Variants in TREML4 observed in about 807,000 individuals in gnomAD.
TREML4 encodes the protein trem-like transcript 4 protein.
TREML4 carries 25 observed loss-of-function variants against 25.4 expected under a neutral mutation model. That is an observed-to-expected ratio of 0.98 (90% CI 0.72 to 1.37). The LOEUF is 1.37. TREML4 is among the 40% of genes most tolerant of loss of function. The pLI, the probability that TREML4 is intolerant of heterozygous loss-of-function variation, is 0.00. For synonymous variants in TREML4, 92 were observed against 87.9 expected, an observed-to-expected ratio of 1.05 and a Z score of -0.26; for missense variants, 268 against 236.5, an observed-to-expected ratio of 1.13 and a Z score of -0.87.
chr6:41,228,964 G>C lies in TREML4; in HGVS notation c.314G>C (p.Gly105Ala). 5 of 1,614,140 alleles carry C rather than the reference G, an allele frequency of 3.1e-6. No individual in the cohort carries two copies. The highest frequency in any genetic ancestry group is 4.2e-6 in the Non-Finnish European group (5 of 1,179,992). ...ATTCAGCTGACACAGAATGACTCGG[G>C]ATTCTACTGGTGTGGAATCTACAAC... ...TMIQLTQNDS[G>A]FYWCGIYNAS... is the part of the protein sequence containing the mutation. The change falls in exon 2 of 6, where the codon GGA becomes GCA. Residue 105 changes from glycine (G) to alanine (A), a missense_variant. By Grantham distance (60) the Gly-to-Ala change is moderately conservative (BLOSUM62 0). Coordinates refer to ENST00000341495, the MANE Select transcript of TREML4 (RefSeq NM_198153.3).
In TREML4 at chr6:41,230,057, T is replaced by C. The variant is rs113491306; in HGVS notation, c.446-5T>C. 4 of 1,609,712 alleles carry C rather than the reference T, an allele frequency of 2.5e-6. No individual in the cohort carries two copies. Among genetic ancestry groups the C allele is most frequent in the Non-Finnish European group, 3.4e-6 (4 of 1,175,946 alleles). On this transcript the variant is annotated splice_polypyrimidine_tract_variant and splice_region_variant and intron_variant, in intron 3 of 5. Transcript: ENST00000341495. ...CAGCCACTGTCTTCTTTGTGTCCTC[T>C]TTAGTTCTGATCACTTCTCCAGAGG...
Position 41,228,822 on chromosome 6 carries a change from A to G in TREML4, c.172A>G (p.Thr58Ala). 7.4e-6 allele frequency: 12 copies of G among 1,614,140 alleles called. No homozygotes were observed. The highest frequency in any genetic ancestry group is 9.3e-6 in the Non-Finnish European group (11 of 1,180,012). ...PYQPKSWCQQTSPSRCTLLVT... is the reference protein window; with the variant it reads ...PYQPKSWCQQASPSRCTLLVT... Reference sequence around the variant, plus strand: ...TCAGCCCAAATCCTGGTGTCAGCAGACATCTCCAAGTCGGTGTACCTTACT... The same window carrying G: ...TCAGCCCAAATCCTGGTGTCAGCAGGCATCTCCAAGTCGGTGTACCTTACT... Residue 58 changes from threonine to alanine, a missense_variant, in exon 2 of 6, where the codon ACA (threonine) becomes GCA (alanine). By Grantham distance (58) the Thr-to-Ala change is moderately conservative. Transcript: ENST00000341495.
intron 5 of TREML4, 141 bp from the exon 6 acceptor site, chr6:41,236,914 G>T (rs1017459954): frequency 2.6e-5 from 5 of 189,488 alleles, no homozygotes; most frequent in Non-Finnish European, 5.5e-5. Flanking sequence ...AGACAGGAAG[G>T]GGCAGGGAAG....
At chr6:41,235,027 C>G (rs9394774) in intron 4 of TREML4, among the ~76,000 whole-genome samples, 1 of 151,858 alleles carries the variant, frequency 6.6e-6, no homozygotes, top group African/African-American at 2.4e-5. Flanking sequence ...TGATTATAAT[C>G]GAGGAGAGTC....
At chr6:41,234,292 G>A (rs764043535) in intron 4 of TREML4, among the ~76,000 whole-genome samples, 2 of 151,930 alleles carry the variant, frequency 1.3e-5, no homozygotes, top group African/African-American at 2.4e-5. Flanking sequence ...CAAAAAGTAT[G>A]AGGCATAAAA....
rs750186265 is a variant in TREML4 at position 41,228,857 on chromosome 6, C to T, written c.207C>T (p.Ser69=). 7.4e-6 allele frequency: 12 copies of T among 1,614,170 alleles called. No homozygotes were observed. The South Asian group carries it at 7.7e-5, about 10-fold the overall frequency. Residue 69 remains serine (S), a synonymous_variant, in exon 2 of 6, where the codon AGC becomes AGT. Transcript: ENST00000341495. ...SPSRCTLLVT[S]SKPWTAVQKS... is the part of the protein sequence containing the mutation. Reference sequence around the variant, plus strand: ...GTCGGTGTACCTTACTTGTCACCAGCTCCAAGCCCTGGACAGCAGTTCAGA... The same window carrying T: ...GTCGGTGTACCTTACTTGTCACCAGTTCCAAGCCCTGGACAGCAGTTCAGA...
At chr6:41,229,606 G>A in intron 3 of TREML4, 35 bp downstream of exon 3, 3 of 1,610,316 alleles carry the variant, frequency 1.9e-6, no homozygotes, top group Non-Finnish European at 2.5e-6. Context: ...AAGATTAGAA[G>A]GGTCACCAGG....
Position 41,238,687 on chromosome 6 carries a change from A to G in TREML4, c.*1668A>G, listed in dbSNP as rs1021402933. 30 of 152,112 alleles carry G rather than the reference A, an allele frequency of 2.0e-4. No homozygotes were observed. Among genetic ancestry groups the G allele is most frequent in the African/African-American group, 6.0e-4 (25 of 41,402 alleles). The allele number at this position is 152,112 out of a possible 1,614,324, so 9.4% of individuals were successfully genotyped here. On this transcript the variant is annotated 3_prime_UTR_variant, in exon 6 of 6. Transcript: ENST00000341495. ...TGTGTTGCCTGAACCAAGAATCTAG[A>G]CACTAGCGATTATGTGTTTTCTCTG...
In TREML4 at chr6:41,236,623, G is replaced by T. The variant is rs774496328; in HGVS notation, c.*35+6G>T. 9.8e-6 allele frequency: 15 copies of T among 1,530,898 alleles called. No individual in the cohort carries two copies. The highest frequency in any genetic ancestry group is 1.4e-5 in the African/African-American group (1 of 73,262). The allele number at this position is 1,530,898 out of a possible 1,614,324, so 94.8% of individuals were successfully genotyped here. On this transcript the variant is annotated splice_donor_region_variant and intron_variant, in intron 5 of 5. Coordinates refer to ENST00000341495, the MANE Select transcript of TREML4 (RefSeq NM_198153.3). ...CTGATCTGCAGGTGCCACAGGTGAG[G>T]GGGCCTGGATTTCACCTGGGGGCAA... is the stretch of plus-strand genomic sequence containing the variant.
At chr6:41,233,899 T>A (rs1365396710) in intron 4 of TREML4, among the ~76,000 whole-genome samples, 2 of 151,318 alleles carry the variant, frequency 1.3e-5, no homozygotes, top group Non-Finnish European at 3.0e-5. Flanking sequence ...CTAAACTATA[T>A]AAATATAGTT....
chr6:41,232,785 A>G (rs564802755), intron 4 of TREML4, among the ~76,000 whole-genome samples: 1 of 152,290 alleles, frequency 6.6e-6, no homozygotes, highest in Admixed American at 6.5e-5. Flanking sequence ...TGCTACTACG[A>G]GAATCTAAAG....
intron 4 of TREML4, among the ~76,000 whole-genome samples, chr6:41,235,672 C>A (rs1766882196): frequency 6.6e-6 from 1 of 152,084 alleles, no homozygotes; most frequent in South Asian, 2.1e-4. Flanking sequence ...TAAATAGAAA[C>A]AATCCATGAC....
Position 41,229,000 on chromosome 6 carries a change from A to ACATCAT in TREML4, c.353_358dup (p.Ile118_Ile119dup). ...TGTGGAATCTACAACGCTTCCGAAAACATCATCACTGTTCTTAGAAATATC... is the reference window on the plus strand; with the variant it reads ...TGTGGAATCTACAACGCTTCCGAAAACATCATCATCATCACTGTTCTTAGAAATATC... On this transcript the variant is annotated inframe_insertion, in exon 2 of 6. Transcript: ENST00000341495. The ACATCAT allele has an allele frequency of 2.5e-6, 4 of 1,614,086 alleles. No individual in the cohort carries two copies. The highest frequency in any genetic ancestry group is 2.5e-6 in the Non-Finnish European group (3 of 1,179,976).
At chr6:41,235,242 T>A (rs1473593070) in intron 4 of TREML4, among the ~76,000 whole-genome samples, 1 of 152,164 alleles carries the variant, frequency 6.6e-6, no homozygotes, top group African/African-American at 2.4e-5. Flanking sequence ...ATGATTACCA[T>A]AAAGATTACT....
intron 4 of TREML4, among the ~76,000 whole-genome samples, chr6:41,234,536 A>AACG (rs1355620089): frequency 2.0e-5 from 3 of 151,536 alleles, no homozygotes; most frequent in Non-Finnish European, 4.4e-5. Flanking sequence ...ATAAATAAAC[A>AACG]AATCAAAGAA....
In TREML4 at chr6:41,228,844, T is replaced by A. The variant is rs774490130; in HGVS notation, c.194T>A (p.Leu65Ter). The A allele has an allele frequency of 2.5e-6, 4 of 1,614,024 alleles. No homozygotes were observed. In the African/African-American group the frequency reaches 5.3e-5, roughly 22 times the overall value. The change falls in exon 2 of 6, where the codon TTA (leucine) becomes TAA (stop). Residue 65 changes from leucine (L) to a stop codon, truncating the protein, a stop_gained. Coordinates refer to ENST00000341495, the MANE Select transcript of TREML4 (RefSeq NM_198153.3). LOFTEE classifies it high-confidence loss of function. ...CAGACATCTCCAAGTCGGTGTACCT[T>A]ACTTGTCACCAGCTCCAAGCCCTGG... ...CQQTSPSRCT[L>*]LVTSSKPWTA...
At chr6:41,236,731 G>T in intron 5 of TREML4, 114 bp downstream of exon 5, 1 of 608,734 alleles carries the variant, frequency 1.6e-6, no homozygotes, top group Non-Finnish European at 2.9e-6. Flanking sequence ...ATGACAGCTG[G>T]GAACAATTTA....
rs1472164394 is a variant in TREML4 at position 41,230,069 on chromosome 6, C to G, written c.453C>G (p.Ile151Met). The change falls in exon 4 of 6, where the codon ATC becomes ATG. Residue 151 changes from isoleucine (I) to methionine (M), a missense_variant. Physicochemically the swap from Ile to Met is conservative, Grantham distance 10. Transcript: ENST00000341495. ...TCTTTGTGTCCTCTTTAGTTCTGAT[C>G]ACTTCTCCAGAGGGGACCTCTGGCC... ...LPWLPTSTVL[I>M]TSPEGTSGHP... The G allele has an allele frequency of 6.2e-7, 1 of 1,611,220 alleles. No individual in the cohort carries two copies.
chr6:41,236,817 C>T (rs911795590), intron 5 of TREML4, among the ~76,000 whole-genome samples, 200 bp downstream of exon 5: 2 of 152,118 alleles, frequency 1.3e-5, no homozygotes, highest in African/African-American at 4.8e-5. Flanking sequence ...TCTGGGAGTC[C>T]CATCCCAGGG....
Sources: allele counts gnomAD v4.1 joint callset (sites outside exome capture counted in the v4.1 genomes callset), GRCh38; gene constraint gnomAD v4.1.1; transcripts MANE v1.5; gene names NCBI Gene and HGNC (gene_info 2026-07-23, HGNC 2026-07-21).